The following CUL1 variants were observed in gnomAD, a reference collection of about 807,000 sequenced individuals.
The protein encoded by CUL1 is cullin-1.
Under a neutral mutation model 118.0 loss-of-function variants are expected in CUL1, and 24 were observed. That is an observed-to-expected ratio of 0.20 (90% confidence interval 0.15 to 0.29). CUL1 has a LOEUF of 0.29. CUL1 is among the 10% of genes least tolerant of loss of function. CUL1 has a pLI of 1.00. For synonymous variants in CUL1, 332 were observed against 340.4 expected, an observed-to-expected ratio of 0.98 and a Z score of 0.27; for missense variants, 361 against 933.8, an observed-to-expected ratio of 0.39 and a Z score of 7.99.
intron 1 of CUL1, among the ~76,000 whole-genome samples, chr7:148,724,273 A>G (rs186080476): frequency 1.1e-4 from 17 of 152,222 alleles, no homozygotes; most frequent in African/African-American, 3.9e-4. Context: ...AGCTTGTTTC[A>G]TATTGATTCT....
At position 148,798,048 on chromosome 7, in the gene CUL1, C is replaced by T. The variant is rs191294982; in HGVS notation, c.2030+29C>T. The T allele has an allele frequency of 2.4e-4, 324 of 1,369,118 alleles. 1 individual carries two copies. The East Asian group carries it at 7.2e-3, about 31-fold the overall frequency. 84.8% of individuals were successfully genotyped at this position (1,369,118 alleles called of 1,614,324 possible). A position where few individuals can be genotyped will look rare whatever the true frequency, so the allele number is the denominator to read the frequency against. ...AGAAAAATCTAATAAGTAGATGGCCCTTGACCATAGACACGTCCCCCGGGA... is the reference window on the plus strand; with the variant it reads ...AGAAAAATCTAATAAGTAGATGGCCTTTGACCATAGACACGTCCCCCGGGA... On this transcript the variant is annotated intron_variant, in intron 19 of 21. Coordinates refer to ENST00000325222, the MANE Select transcript of CUL1 (RefSeq NM_003592.3).
chr7:148,754,290 A>G (rs1323859756), intron 3 of CUL1, 140 bp downstream of exon 3: 31 of 595,504 alleles, frequency 5.2e-5, no homozygotes, highest in Admixed American at 1.7e-4. Flanking sequence ...TTGCTATTGC[A>G]TAGTCTTTTA....
At chr7:148,710,678 G>A (rs1301069933) in intron 1 of CUL1, among the ~76,000 whole-genome samples, 1 of 149,510 alleles carries the variant, frequency 6.7e-6, no homozygotes, top group Non-Finnish European at 1.5e-5. Context: ...TTTTTTTTTG[G>A]TTGGGGTTTC....
intron 7 of CUL1, among the ~76,000 whole-genome samples, chr7:148,761,091 T>C (rs560748002): frequency 6.6e-5 from 10 of 152,200 alleles, no homozygotes; most frequent in Non-Finnish European, 1.2e-4. Flanking sequence ...GGTCTCAAAC[T>C]CTTGGGCTTA....
chr7:148,716,656 C>T (rs990148678), intron 1 of CUL1, among the ~76,000 whole-genome samples: 6 of 152,200 alleles, frequency 3.9e-5, no homozygotes, highest in Non-Finnish European at 7.4e-5. Context: ...TCTACACTTA[C>T]GTGTTAGTAT....
chr7:148,725,808 G>T (rs1255272437), intron 1 of CUL1, among the ~76,000 whole-genome samples: 1 of 152,184 alleles, frequency 6.6e-6, no homozygotes, highest in African/African-American at 2.4e-5. Context: ...ACATAGGTGA[G>T]GCTCTTTAGG....
At chr7:148,698,425 G>C (rs1005778048), upstream of CUL1, 1 of 152,228 alleles carries the variant, frequency 6.6e-6, no homozygotes, top group Non-Finnish European at 1.5e-5. Context: ...GAAGTGGCGG[G>C]AACGGGTCCT....
intron 1 of CUL1, among the ~76,000 whole-genome samples, chr7:148,709,912 A>C (rs116053106): frequency 6.6e-6 from 1 of 151,738 alleles, no homozygotes. Flanking sequence ...GTGAAACCCC[A>C]TCTGTACAAA....
At chr7:148,755,310 T>C (rs1334646356) in intron 3 of CUL1, among the ~76,000 whole-genome samples, 1 of 152,170 alleles carries the variant, frequency 6.6e-6, no homozygotes, top group South Asian at 2.1e-4. Context: ...TGTCAAAGAG[T>C]GAAGACGTCT....
chr7:148,788,810 C>A (rs1002465820), intron 14 of CUL1, 136 bp downstream of exon 14: 2 of 675,174 alleles, frequency 3.0e-6, no homozygotes, highest in Middle Eastern at 6.7e-4. Flanking sequence ...AGATTCCTCC[C>A]AAATGCCCAG....
intron 17 of CUL1, among the ~76,000 whole-genome samples, chr7:148,795,035 G>A (rs1274443940): frequency 3.3e-5 from 5 of 151,924 alleles, no homozygotes; most frequent in Non-Finnish European, 7.4e-5. Context: ...GTTTCACCAT[G>A]TTGACCAGGC....
intron 2 of CUL1, among the ~76,000 whole-genome samples, chr7:148,748,257 G>C (rs1393148430): frequency 1.3e-5 from 2 of 152,034 alleles, no homozygotes; most frequent in Non-Finnish European, 2.9e-5. Context: ...GATAATACTA[G>C]ACTCAGTTTT....
chr7:148,778,089 AAAAAAAAAG>A (rs1222842466), intron 9 of CUL1, among the ~76,000 whole-genome samples: 1,366 of 131,492 alleles, frequency 0.01, 34 homozygotes, highest in Middle Eastern at 0.018. Flanking sequence ...AAAAAAAAAA[AAAAAAAAAG>A]AAGAAGAAGA....
chr7:148,698,409 A>C (rs1025776117), upstream of CUL1: 4 of 152,160 alleles, frequency 2.6e-5, no homozygotes, highest in African/African-American at 7.2e-5. Flanking sequence ...CCCGCTCGCG[A>C]GGTCCGAAGT....
At chr7:148,703,810 C>T (rs1463215737) in intron 1 of CUL1, among the ~76,000 whole-genome samples, 2 of 152,038 alleles carry the variant, frequency 1.3e-5, no homozygotes, top group Non-Finnish European at 2.9e-5. Context: ...GGATTACAGG[C>T]GTGAGCCACT....
chr7:148,766,823 A>G (rs762656417), intron 8 of CUL1, 100 bp downstream of exon 8: 21 of 1,017,462 alleles, frequency 2.1e-5, no homozygotes, highest in Admixed American at 2.6e-5. Context: ...TTACTTGCCC[A>G]TGTCAGTTTT....
At chr7:148,746,039 C>T (rs1359964722) in intron 2 of CUL1, among the ~76,000 whole-genome samples, 1 of 151,944 alleles carries the variant, frequency 6.6e-6, no homozygotes, top group East Asian at 1.9e-4. Context: ...AAGAAGCATT[C>T]GTTTTGTTTC....
At chr7:148,725,296 C>T (rs1318983228) in intron 1 of CUL1, among the ~76,000 whole-genome samples, 1 of 151,924 alleles carries the variant, frequency 6.6e-6, no homozygotes, top group African/African-American at 2.4e-5. Context: ...CCTCTTGTAT[C>T]CATTGGAGCA....
chr7:148,763,313 A>T (rs1015678282), intron 7 of CUL1, among the ~76,000 whole-genome samples: 2 of 152,172 alleles, frequency 1.3e-5, no homozygotes, highest in African/African-American at 4.8e-5. Flanking sequence ...CATTTCTAGA[A>T]GAGTTAAAGG....
Sources: gnomAD v4.1 joint callset for allele counts (sites outside exome capture counted in the v4.1 genomes callset) on GRCh38, gnomAD v4.1.1 for gene constraint, MANE v1.5 for transcripts, NCBI Gene and HGNC (gene_info 2026-07-23, HGNC 2026-07-21) for gene names.